NT5DC1: variants seen among roughly 807,000 people sequenced by gnomAD.
The protein encoded by NT5DC1 is 5'-nucleotidase domain-containing protein 1.
NT5DC1 carries 42 observed loss-of-function variants against 59.4 expected under a neutral mutation model. The ratio of observed to expected loss-of-function variants is 0.71; its 90% CI spans 0.55 to 0.92. The LOEUF (loss-of-function observed/expected upper bound fraction) is 0.92. NT5DC1 is among the 40% of genes least tolerant of loss of function. The pLI is 0.00. For missense variants in NT5DC1, 501 were observed against 537.1 expected (o/e 0.93, Z 0.66); for synonymous variants, 172 against 188.1 (o/e 0.91, Z 0.70).
chr6:116,237,790 G>A (rs542030283), intron 9 of NT5DC1, among the ~76,000 whole-genome samples: 2 of 152,266 alleles, frequency 1.3e-5, no homozygotes, highest in Admixed American at 1.3e-4. Context: ...GTTGTGATTT[G>A]CACTTTTAAT....
chr6:116,225,518 A>G (rs746643577), intron 8 of NT5DC1, among the ~76,000 whole-genome samples: 5 of 152,212 alleles, frequency 3.3e-5, no homozygotes, highest in Non-Finnish European at 7.3e-5. Flanking sequence ...GAAAGAGGAA[A>G]GGGTAGCCAG....
chr6:116,228,508 CA>C (rs11318643), intron 8 of NT5DC1, among the ~76,000 whole-genome samples: 111,646 of 149,332 alleles, frequency 0.75, 42,832 homozygotes, highest in East Asian at 1. Context: ...AACTCCGACT[CA>C]AAAAAAAAAA....
chr6:116,188,045 G>C (rs1336009660), intron 6 of NT5DC1, among the ~76,000 whole-genome samples: 3 of 151,944 alleles, frequency 2.0e-5, no homozygotes, highest in African/African-American at 7.2e-5. Context: ...AGTCTTGACA[G>C]GCAGTTTACA....
chr6:116,219,508 C>T (rs926365272), intron 6 of NT5DC1, among the ~76,000 whole-genome samples: 48 of 152,244 alleles, frequency 3.2e-4, no homozygotes, highest in African/African-American at 1.2e-3. Flanking sequence ...GAGACCCTTG[C>T]CCTTCCTAGC....
At chr6:116,139,529 TA>T (rs1779710687) in intron 6 of NT5DC1, among the ~76,000 whole-genome samples, 1 of 152,172 alleles carries the variant, frequency 6.6e-6, no homozygotes, top group African/African-American at 2.4e-5. Context: ...GAACTGCATT[TA>T]AAATGCATTT....
intron 6 of NT5DC1, among the ~76,000 whole-genome samples, chr6:116,215,514 T>C (rs1241651029): frequency 6.6e-6 from 1 of 152,130 alleles, no homozygotes; most frequent in Non-Finnish European, 1.5e-5. Flanking sequence ...TGTCCAGATA[T>C]TATTGTATGT....
In NT5DC1 at chr6:116,194,351, G is replaced by A. The variant is rs188847620; in HGVS notation, c.530-26703G>A. On this transcript the variant is annotated intron_variant, in intron 6 of 11. Transcript: ENST00000319550. The stretch of plus-strand genomic sequence containing the variant: ...ATTTATATTCATAACAGAGTAAACA[G>A]ATTATTTACCTTTAATTTTTAGGAA... 2.8e-4 allele frequency among the ~76,000 whole-genome samples: 42 copies of A among 152,086 alleles called. 1 individual carries two copies. The highest frequency in any genetic ancestry group is 2.6e-3 in the Admixed American group (40 of 15,264).
intron 6 of NT5DC1, among the ~76,000 whole-genome samples, chr6:116,173,215 CTG>C (rs1354126116): frequency 2.0e-5 from 3 of 152,216 alleles, no homozygotes; most frequent in Non-Finnish European, 2.9e-5. Context: ...TAAACTATAA[CTG>C]TGTCAGTGGC....
chr6:116,106,368 T>G, intron 2 of NT5DC1, 33 bp downstream of exon 2: 1 of 931,900 alleles, frequency 1.1e-6, no homozygotes, highest in Non-Finnish European at 1.7e-6. Context: ...TTTTTAAGTC[T>G]GTACATTTCC....
rs751567957 is a variant in NT5DC1, at chr6:116,236,983, G to A, written c.820G>A (p.Glu274Lys). Residue 274 changes from glutamate (E) to lysine (K), a missense_variant, in exon 9 of 12, where the codon GAG becomes AAG. By Grantham distance (56) the Glu-to-Lys change is moderately conservative. Coordinates refer to ENST00000319550, the MANE Select transcript of NT5DC1 (RefSeq NM_152729.3). ...FRTLENDEEQ[E>K]ALPSLDKPGW... is the part of the protein sequence containing the mutation. Reference sequence around the variant, plus strand: ...ATTTTCAGAGAATGATGAGGAGCAGGAGGCACTGCCATCTCTGGATAAACC... The same window carrying A: ...ATTTTCAGAGAATGATGAGGAGCAGAAGGCACTGCCATCTCTGGATAAACC... 1.2e-6 allele frequency: 2 copies of A among 1,601,438 alleles called. No individual in the cohort carries two copies. The highest frequency in any genetic ancestry group is 1.1e-5 in the South Asian group (1 of 90,730).
chr6:116,105,964 G>A (rs1464301311), intron 1 of NT5DC1, among the ~76,000 whole-genome samples: 4 of 152,154 alleles, frequency 2.6e-5, no homozygotes, highest in East Asian at 3.8e-4. Flanking sequence ...CTTAAATTAT[G>A]ATCTCCAACC....
intron 6 of NT5DC1, among the ~76,000 whole-genome samples, chr6:116,198,030 A>T (rs74985756): frequency 0.039 from 5,866 of 152,154 alleles, 154 homozygotes; most frequent in South Asian, 0.072. Context: ...GTCCTTCATC[A>T]GCTTGCTAGT....
At chr6:116,190,078 A>G (rs1249202886) in intron 6 of NT5DC1, among the ~76,000 whole-genome samples, 1 of 151,888 alleles carries the variant, frequency 6.6e-6, no homozygotes, top group East Asian at 1.9e-4. Context: ...TTTCAGCTTT[A>G]TGGGAATAGC....
intron 6 of NT5DC1, among the ~76,000 whole-genome samples, chr6:116,127,136 A>G (rs1779337904): frequency 1.3e-5 from 2 of 152,210 alleles, no homozygotes; most frequent in African/African-American, 4.8e-5. Flanking sequence ...ATACACAGGC[A>G]TAGACACATC....
At chr6:116,174,210 C>A (rs1015702263) in intron 6 of NT5DC1, among the ~76,000 whole-genome samples, 1 of 152,188 alleles carries the variant, frequency 6.6e-6, no homozygotes, top group African/African-American at 2.4e-5. Flanking sequence ...TGTAAAGTTA[C>A]TCTTATTCCC....
At chr6:116,241,746 AC>A (rs763744872) in intron 11 of NT5DC1, among the ~76,000 whole-genome samples, 50 of 151,810 alleles carry the variant, frequency 3.3e-4, no homozygotes, top group Non-Finnish European at 2.4e-4. Flanking sequence ...ACACGGTGAA[AC>A]CCCGTCTCTA....
At chr6:116,243,515 AAAATT>A (rs1271356834) in intron 11 of NT5DC1, among the ~76,000 whole-genome samples, 1 of 152,360 alleles carries the variant, frequency 6.6e-6, no homozygotes, top group South Asian at 2.1e-4. Flanking sequence ...GAGAAAGAAT[AAAATT>A]AAATTGTTTT....
chr6:116,166,894 G>C (rs1388068106), intron 6 of NT5DC1, among the ~76,000 whole-genome samples: 2 of 152,054 alleles, frequency 1.3e-5, no homozygotes, highest in Admixed American at 1.3e-4. Flanking sequence ...ATAATTTTTT[G>C]TTATTCAGAA....
rs1377077881 is a variant in NT5DC1, at chr6:116,110,962, A to T, written c.364+6A>T. ...TGGAATGGCTTGCCGCTCAGGTATG[A>T]CTCAAATGAGGCAGCTCCACCATCC... On this transcript the variant is annotated splice_donor_region_variant and intron_variant, in intron 4 of 11. Coordinates refer to ENST00000319550, the MANE Select transcript of NT5DC1 (RefSeq NM_152729.3). 2 of 1,588,608 alleles carry T rather than the reference A, an allele frequency of 1.3e-6. No individual in the cohort carries two copies. The highest frequency in any genetic ancestry group is 1.3e-5 in the African/African-American group (1 of 74,500).
Sources: allele counts gnomAD v4.1 joint callset (sites outside exome capture counted in the v4.1 genomes callset), GRCh38; gene constraint gnomAD v4.1.1; transcripts MANE v1.5; gene names NCBI Gene and HGNC (gene_info 2026-07-23, HGNC 2026-07-21).